ANKRD6: variants seen among roughly 807,000 people sequenced by gnomAD.
ANKRD6 encodes the protein ankyrin repeat domain 6, also known as ankyrin repeat domain-containing protein 6.
ANKRD6 carries 56 observed loss-of-function variants against 82.3 expected under a neutral mutation model. The ratio of observed to expected loss-of-function variants is 0.68; its 90% CI spans 0.55 to 0.85. ANKRD6 has a LOEUF of 0.85. ANKRD6 is among the 40% of genes least tolerant of loss of function. The pLI is 0.00. For synonymous variants in ANKRD6, 347 were observed against 352.1 expected (o/e 0.99, Z 0.16); for missense variants, 852 against 907.6 (o/e 0.94, Z 0.79).
At chr6:89,553,013 G>A (rs1435681271) in intron 1 of ANKRD6, among the ~76,000 whole-genome samples, 1 of 152,162 alleles carries the variant, frequency 6.6e-6, no homozygotes, top group East Asian at 1.9e-4. Flanking sequence ...TCTCACAGGT[G>A]GTAGACATTA....
At chr6:89,585,653 A>G (rs533167341) in intron 2 of ANKRD6, among the ~76,000 whole-genome samples, 4 of 152,376 alleles carry the variant, frequency 2.6e-5, no homozygotes, top group African/African-American at 9.6e-5. Flanking sequence ...TCACGCCTGT[A>G]ATCCCAGCAC....
At chr6:89,441,682 G>C (rs1360642393) in intron 1 of ANKRD6, among the ~76,000 whole-genome samples, 1 of 139,106 alleles carries the variant, frequency 7.2e-6, no homozygotes, top group Non-Finnish European at 1.5e-5. Context: ...GCCCAGGCTG[G>C]AGTGCAATGG....
At position 89,559,928 on chromosome 6, in the gene ANKRD6, C is replaced by T. The variant is rs149257303; in HGVS notation, c.-143-6906C>T. ...AGGTGAGTACCTCATATATTTCTTACGGGATCACAGGCTCCTGAAGACCAA... is the reference window on the plus strand; with the variant it reads ...AGGTGAGTACCTCATATATTTCTTATGGGATCACAGGCTCCTGAAGACCAA... On this transcript the variant is annotated intron_variant, in intron 1 of 15. Coordinates refer to ENST00000339746, the MANE Select transcript of ANKRD6 (RefSeq NM_001242809.2). 1.9e-4 allele frequency among the ~76,000 whole-genome samples: 29 copies of T among 152,250 alleles called. 1 individual carries two copies. The highest frequency in any genetic ancestry group is 2.6e-4 in the African/African-American group (11 of 41,532).
At chr6:89,477,105 C>T (rs191483303) in intron 1 of ANKRD6, among the ~76,000 whole-genome samples, 6 of 152,138 alleles carry the variant, frequency 3.9e-5, no homozygotes, top group Non-Finnish European at 5.9e-5. Context: ...CTACCACGCC[C>T]GGCTAATTTT....
At chr6:89,530,160 T>G (rs1782961186) in intron 1 of ANKRD6, among the ~76,000 whole-genome samples, 1 of 151,944 alleles carries the variant, frequency 6.6e-6, no homozygotes, top group African/African-American at 2.4e-5. Context: ...GAGGCTTACT[T>G]GGGAGGATTG....
chr6:89,613,748 T>C lies in ANKRD6; in HGVS notation c.517-44T>C, dbSNP rs776753867. 1.5e-5 allele frequency: 24 copies of C among 1,564,184 alleles called. No individual in the cohort carries two copies. The Admixed American group carries it at 4.1e-4, about 27-fold the overall frequency. On this transcript the variant is annotated intron_variant, in intron 6 of 15. Transcript: ENST00000339746. The stretch of plus-strand genomic sequence containing the variant: ...TCTTTCTACTTTTCTCTATTTGTTT[T>C]GTAACTGCTCAGATTGTGCTTAGAG...
chr6:89,628,978 T>C, intron 14 of ANKRD6, 134 bp from the exon 15 acceptor site: 3 of 959,998 alleles, frequency 3.1e-6, no homozygotes, highest in Non-Finnish European at 4.5e-6. Context: ...GCCATAACTT[T>C]TGGGTTTGTT....
At chr6:89,533,767 T>A (rs964074601) in intron 1 of ANKRD6, among the ~76,000 whole-genome samples, 17 of 143,202 alleles carry the variant, frequency 1.2e-4, no homozygotes, top group African/African-American at 4.3e-4. Context: ...TGTGTGTGTG[T>A]GAATGAATGC....
chr6:89,547,573 G>T (rs1334202930), intron 1 of ANKRD6, among the ~76,000 whole-genome samples: 1 of 152,186 alleles, frequency 6.6e-6, no homozygotes, highest in Non-Finnish European at 1.5e-5. Flanking sequence ...CACCAGCGGG[G>T]CTCGGGAAAC....
At chr6:89,435,083 A>G (rs1770455860) in intron 1 of ANKRD6, among the ~76,000 whole-genome samples, 1 of 152,170 alleles carries the variant, frequency 6.6e-6, no homozygotes, top group South Asian at 2.1e-4. Context: ...TTTCCAGATA[A>G]GCATATGCTC....
chr6:89,607,346 G>A (rs751635962), intron 5 of ANKRD6, among the ~76,000 whole-genome samples: 1 of 151,890 alleles, frequency 6.6e-6, no homozygotes, highest in Non-Finnish European at 1.5e-5. Flanking sequence ...TTTTTTAACT[G>A]TGGGGAGGGA....
intron 5 of ANKRD6, 144 bp from the exon 6 acceptor site, chr6:89,612,128 A>T (rs1583761512): frequency 1.6e-6 from 1 of 616,854 alleles, no homozygotes; most frequent in East Asian, 3.0e-5. Flanking sequence ...CCTCTGAAGC[A>T]TCCCCACTGA....
intron 1 of ANKRD6, among the ~76,000 whole-genome samples, chr6:89,486,287 T>C (rs1777360830): frequency 6.6e-6 from 1 of 152,156 alleles, no homozygotes; most frequent in African/African-American, 2.4e-5. Flanking sequence ...GTAGCAGAAA[T>C]GATTGATATT....
intron 1 of ANKRD6, among the ~76,000 whole-genome samples, chr6:89,537,980 C>T (rs1784052532): frequency 6.6e-6 from 1 of 152,046 alleles, no homozygotes; most frequent in Admixed American, 6.5e-5. Context: ...TGGCAAATCC[C>T]AGACAGCATG....
intron 5 of ANKRD6, among the ~76,000 whole-genome samples, chr6:89,607,399 T>C (rs1798970410): frequency 6.6e-6 from 1 of 152,188 alleles, no homozygotes; most frequent in Non-Finnish European, 1.5e-5. Flanking sequence ...ATATAATTAA[T>C]ATTAAAATCG....
intron 2 of ANKRD6, among the ~76,000 whole-genome samples, chr6:89,579,756 C>CAA (rs61159223): frequency 0.017 from 1,174 of 68,018 alleles, 76 homozygotes; most frequent in Admixed American, 0.058. Context: ...GACCCTGTCT[C>CAA]AAAAAAAAAA....
At chr6:89,548,198 A>G (rs763381470) in intron 1 of ANKRD6, among the ~76,000 whole-genome samples, 9 of 152,240 alleles carry the variant, frequency 5.9e-5, no homozygotes, top group Admixed American at 2.6e-4. Flanking sequence ...GTCATTCCCT[A>G]TTCTTTCTCC....
intron 2 of ANKRD6, among the ~76,000 whole-genome samples, chr6:89,567,988 G>A (rs542827073): frequency 6.6e-6 from 1 of 152,162 alleles, no homozygotes; most frequent in Non-Finnish European, 1.5e-5. Flanking sequence ...GTGGCAGATC[G>A]GTCAGCTCCT....
intron 13 of ANKRD6, among the ~76,000 whole-genome samples, chr6:89,627,111 C>CTT (rs58369165): frequency 0.013 from 1,921 of 144,564 alleles, 38 homozygotes; most frequent in African/African-American, 0.044. Context: ...GTCTCTCTCT[C>CTT]TTTTTTTTTT....
Sources: gnomAD v4.1 joint callset for allele counts (sites outside exome capture counted in the v4.1 genomes callset) on GRCh38, gnomAD v4.1.1 for gene constraint, MANE v1.5 for transcripts, NCBI Gene and HGNC (gene_info 2026-07-23, HGNC 2026-07-21) for gene names.